UGGT2: variants seen among roughly 807,000 people sequenced by gnomAD.
The protein encoded by UGGT2 is UDP-glucose glycoprotein glucosyltransferase 2.
UGGT2 carries 180 observed loss-of-function variants against 192.1 expected under a neutral mutation model. The ratio of observed to expected loss-of-function variants is 0.94; its 90% confidence interval spans 0.83 to 1.06. The LOEUF (loss-of-function observed/expected upper bound fraction) is 1.06, where lower values mean the gene tolerates loss of function less well. Among genes scored for constraint, UGGT2 ranks in the 50% least tolerant of loss-of-function variants. The pLI is 0.00. For missense variants in UGGT2, 1,849 were observed against 1,795.7 expected (o/e 1.03, Z -0.54); for synonymous variants, 580 against 591.0 (o/e 0.98, Z 0.27).
chr13:95,948,094 T>C lies in UGGT2; in HGVS notation c.1456-13A>G, dbSNP rs1413359723. 8 of 1,600,260 alleles carry C rather than the reference T, an allele frequency of 5.0e-6. No individual in the cohort carries two copies. The highest frequency in any genetic ancestry group is 2.7e-5 in the African/African-American group (2 of 74,534). ...CAATAAACAGAACCTAAAAGAAAGATAGTATATATCACTATTTCAACACCT... is the reference window on the plus strand; with the variant it reads ...CAATAAACAGAACCTAAAAGAAAGACAGTATATATCACTATTTCAACACCT... On this transcript the variant is annotated splice_polypyrimidine_tract_variant and intron_variant, in intron 13 of 38. Coordinates refer to ENST00000376747, the MANE Select transcript of UGGT2 (RefSeq NM_020121.4).
chr13:96,008,228 A>G (rs1242181695), intron 5 of UGGT2, among the ~76,000 whole-genome samples: 2 of 152,212 alleles, frequency 1.3e-5, no homozygotes, highest in African/African-American at 4.8e-5. Flanking sequence ...AGCAAAGGAA[A>G]CAATCAACAC....
intron 1 of UGGT2, among the ~76,000 whole-genome samples, chr13:96,052,097 G>A (rs2053502092): frequency 6.6e-6 from 1 of 152,166 alleles, no homozygotes; most frequent in South Asian, 2.1e-4. Flanking sequence ...TCAACGAGTG[G>A]ATAAACTGTG....
intron 12 of UGGT2, among the ~76,000 whole-genome samples, chr13:95,968,275 C>G (rs1231141232): frequency 6.6e-6 from 1 of 152,084 alleles, no homozygotes; most frequent in Non-Finnish European, 1.5e-5. Context: ...TTTCTACCTT[C>G]AAGAACTTTA....
At chr13:95,996,283 C>T (rs2051617618) in intron 6 of UGGT2, 148 bp from the exon 7 acceptor site, 2 of 642,702 alleles carry the variant, frequency 3.1e-6, no homozygotes, top group South Asian at 3.7e-5. Context: ...GGGTAAATCA[C>T]TTGAGCTCAC....
chr13:95,960,703 A>C (rs975197105), intron 12 of UGGT2, among the ~76,000 whole-genome samples: 1 of 152,208 alleles, frequency 6.6e-6, no homozygotes, highest in Non-Finnish European at 1.5e-5. Flanking sequence ...GAGATTCCCA[A>C]ATAGATACAA....
At chr13:96,009,178 T>C (rs1437842832) in intron 5 of UGGT2, among the ~76,000 whole-genome samples, 1 of 152,100 alleles carries the variant, frequency 6.6e-6, no homozygotes, top group Non-Finnish European at 1.5e-5. Flanking sequence ...TTATGCCATA[T>C]AAAAAATCAA....
intron 10 of UGGT2, among the ~76,000 whole-genome samples, chr13:95,978,905 C>A (rs1344627921): frequency 2.0e-5 from 3 of 152,208 alleles, no homozygotes; most frequent in Non-Finnish European, 4.4e-5. Flanking sequence ...ATAATTCTCA[C>A]ACAAAGTAGT....
At chr13:95,942,017 T>TA (rs1257356710) in intron 15 of UGGT2, among the ~76,000 whole-genome samples, 7 of 152,260 alleles carry the variant, frequency 4.6e-5, no homozygotes. Context: ...GGTATGGTGT[T>TA]AGTCTTCTAT....
chr13:96,041,580 A>C (rs1268109581), intron 1 of UGGT2, among the ~76,000 whole-genome samples: 1 of 152,184 alleles, frequency 6.6e-6, no homozygotes, highest in East Asian at 1.9e-4. Context: ...TGCAGCTGGG[A>C]GGCTGGTAGC....
At chr13:95,932,311 T>TTGTGTGTG (rs67135742) in intron 17 of UGGT2, among the ~76,000 whole-genome samples, 8,261 of 139,364 alleles carry the variant, frequency 0.059, 326 homozygotes, top group East Asian at 0.09. Flanking sequence ...GGTATTTTAT[T>TTGTGTGTG]TGTGTGTGTG....
intron 10 of UGGT2, among the ~76,000 whole-genome samples, chr13:95,980,158 G>A (rs2051072008): frequency 6.6e-6 from 1 of 152,094 alleles, no homozygotes; most frequent in South Asian, 2.1e-4. Flanking sequence ...GGGGTGGGGG[G>A]GAAGTCATTA....
chr13:96,029,979 T>G (rs1173688312), intron 2 of UGGT2, among the ~76,000 whole-genome samples: 1 of 152,172 alleles, frequency 6.6e-6, no homozygotes, highest in Non-Finnish European at 1.5e-5. Flanking sequence ...AAACCTTACA[T>G]ATTAATCTAG....
intron 38 of UGGT2, among the ~76,000 whole-genome samples, chr13:95,822,828 T>C (rs1885647269): frequency 6.6e-6 from 1 of 152,072 alleles, no homozygotes; most frequent in South Asian, 2.1e-4. Context: ...GTGATTTCTT[T>C]TCTTTCAATG....
At chr13:96,044,464 ACCAAACCCAATCC>A (rs2053250302) in intron 1 of UGGT2, among the ~76,000 whole-genome samples, 1 of 152,162 alleles carries the variant, frequency 6.6e-6, no homozygotes. Context: ...AACAGAACAA[ACCAAACCCAATCC>A]CAGTAGAAGT....
chr13:95,811,758 A>G (rs1408147633), intron 38 of UGGT2, among the ~76,000 whole-genome samples: 1 of 152,196 alleles, frequency 6.6e-6, no homozygotes, highest in Non-Finnish European at 1.5e-5. Flanking sequence ...ATAAGGTTGC[A>G]AGGTTCCTAC....
At chr13:95,870,204 A>C (rs1173942278) in intron 29 of UGGT2, among the ~76,000 whole-genome samples, 1 of 152,146 alleles carries the variant, frequency 6.6e-6, no homozygotes, top group Non-Finnish European at 1.5e-5. Flanking sequence ...CTCTGAAAAA[A>C]CTTATTTGTG....
intron 36 of UGGT2, among the ~76,000 whole-genome samples, chr13:95,852,457 T>G (rs148770441): frequency 2.6e-5 from 4 of 152,316 alleles, no homozygotes; most frequent in African/African-American, 7.2e-5. Flanking sequence ...TATTCTGAAC[T>G]CTCTATCATG....
chr13:96,000,107 C>A (rs2051750399), intron 5 of UGGT2, among the ~76,000 whole-genome samples: 1 of 152,164 alleles, frequency 6.6e-6, no homozygotes, highest in Admixed American at 6.6e-5. Flanking sequence ...GGCTGTACTG[C>A]AACCATTATC....
At chr13:95,894,678 G>A (rs1417927317) in intron 23 of UGGT2, 21 bp from the exon 24 acceptor site, 3 of 1,584,680 alleles carry the variant, frequency 1.9e-6, no homozygotes, top group East Asian at 4.5e-5. Flanking sequence ...AAGACAAACA[G>A]TGTATGAGTT....
Sources: gnomAD v4.1 joint callset for allele counts (sites outside exome capture counted in the v4.1 genomes callset) on GRCh38, gnomAD v4.1.1 for gene constraint, MANE v1.5 for transcripts, NCBI Gene and HGNC (gene_info 2026-07-23, HGNC 2026-07-21) for gene names.